Variants in DPH6 observed in about 807,000 individuals in gnomAD.
The protein encoded by DPH6 is diphthamine biosynthesis 6.
In DPH6, 33 loss-of-function variants were observed where a neutral mutation model predicts 38.2. That is an observed-to-expected ratio of 0.86 (90% CI 0.65 to 1.15). DPH6 has a LOEUF of 1.15. Among genes scored for constraint, DPH6 ranks in the 50% most tolerant of loss-of-function variants. The pLI is 0.00. For synonymous variants in DPH6, 108 were observed against 103.0 expected (o/e 1.05, Z -0.30); for missense variants, 325 against 320.0 (o/e 1.02, Z -0.12).
intron 6 of DPH6, among the ~76,000 whole-genome samples, chr15:35,399,350 G>A (rs2053188040): frequency 6.6e-6 from 1 of 151,958 alleles, no homozygotes; most frequent in Non-Finnish European, 1.5e-5. Flanking sequence ...ATTCTAGAAA[G>A]AACAAAATGA....
chr15:35,156,302 A>G, the DPH6 span, among the ~76,000 whole-genome samples: 278 of 152,336 alleles, frequency 1.8e-3, 5 homozygotes, highest in Admixed American at 0.017. Context: ...GAAGATAATA[A>G]ACATTTCAAA....
At chr15:35,370,331 T>C (rs1317755874), downstream of DPH6, among the ~76,000 whole-genome samples, 1 of 150,148 alleles carries the variant, frequency 6.7e-6, no homozygotes. Context: ...AAAAAAAGAA[T>C]TGATAAGCTG....
intron 3 of DPH6, among the ~76,000 whole-genome samples, chr15:35,534,522 CAA>C (rs2055139612): frequency 6.6e-6 from 1 of 151,000 alleles, no homozygotes; most frequent in African/African-American, 2.4e-5. Context: ...AATGGACAAA[CAA>C]GAAAAGTTCT....
intron 3 of DPH6, among the ~76,000 whole-genome samples, chr15:35,477,041 C>T (rs4924001): frequency 0.63 from 95,326 of 151,572 alleles, 33,569 homozygotes; most frequent in South Asian, 0.82. Context: ...CAGTAGCATA[C>T]TTTATTATAT....
chr15:35,152,122 T>C, the DPH6 span, among the ~76,000 whole-genome samples: 19 of 152,338 alleles, frequency 1.2e-4, no homozygotes, highest in African/African-American at 4.6e-4. Flanking sequence ...TTTAGTAACG[T>C]TTTTGTGACC....
intron 5 of DPH6, among the ~76,000 whole-genome samples, chr15:35,431,332 TAAG>T (rs1311070328): frequency 6.6e-6 from 1 of 152,094 alleles, no homozygotes; most frequent in Non-Finnish European, 1.5e-5. Flanking sequence ...ATCTTTAGGA[TAAG>T]TAGTAAAACA....
chr15:35,546,120 TG>T lies in DPH6; in HGVS notation c.21del (p.Ser8ValfsTer10). The stretch of plus-strand genomic sequence containing the variant: ...GAGGCGGCTCCAGGACCGCATTACC[TG>T]ATCAGAGCCGCGACCCTCATGCTGG... MRVAAL[I>X]SGGKDSCYNM... On this transcript the variant is annotated frameshift_variant and splice_region_variant, in exon 1 of 9. Coordinates refer to ENST00000256538, the MANE Select transcript of DPH6 (RefSeq NM_080650.4). LOFTEE classifies it high-confidence loss of function. 7.1e-7 allele frequency: 1 copy of T among 1,406,120 alleles called. No homozygotes were observed. Among genetic ancestry groups the T allele is most frequent in the South Asian group, 1.6e-5 (1 of 62,718 alleles). 87.1% of individuals were successfully genotyped at this position (1,406,120 alleles called of 1,614,324 possible). A position where few individuals can be genotyped will look rare whatever the true frequency, so the allele number is the denominator to read the frequency against.
chr15:35,237,494 A>G (rs56233617), intron 3 of DPH6: 2 of 1,571,124 alleles, frequency 1.3e-6, no homozygotes, highest in Admixed American at 3.3e-5. Context: ...CCTCACCTCA[A>G]CTGCAAACTT....
chr15:35,464,670 T>C (rs1192004589), intron 3 of DPH6, among the ~76,000 whole-genome samples: 2 of 152,236 alleles, frequency 1.3e-5, no homozygotes, highest in Non-Finnish European at 2.9e-5. Context: ...TGTGCTTGAA[T>C]CTTCTATTAA....
At chr15:35,360,464 A>G (rs878863944) in intron 3 of DPH6, among the ~76,000 whole-genome samples, 2 of 152,154 alleles carry the variant, frequency 1.3e-5, no homozygotes, top group Admixed American at 1.3e-4. Context: ...ACACCCATTA[A>G]CCACAATAGA....
At chr15:35,379,595 C>T (rs1402263856) in intron 7 of DPH6, among the ~76,000 whole-genome samples, 1 of 152,156 alleles carries the variant, frequency 6.6e-6, no homozygotes, top group Non-Finnish European at 1.5e-5. Context: ...CATGTTCACT[C>T]ACATCTTCGC....
chr15:35,233,575 C>T (rs1023170468), intron 3 of DPH6, among the ~76,000 whole-genome samples: 1 of 152,048 alleles, frequency 6.6e-6, no homozygotes, highest in African/African-American at 2.4e-5. Flanking sequence ...GCTCCAGTGG[C>T]CTAAAGAACC....
intron 5 of DPH6, among the ~76,000 whole-genome samples, chr15:35,438,581 T>A (rs1367286995): frequency 6.6e-6 from 1 of 152,156 alleles, no homozygotes; most frequent in Middle Eastern, 3.2e-3. Flanking sequence ...ATAGCCCAGT[T>A]AGGAGATTGG....
At chr15:35,532,568 T>C (rs117720121) in intron 3 of DPH6, among the ~76,000 whole-genome samples, 4,816 of 152,256 alleles carry the variant, frequency 0.032, 122 homozygotes, top group Middle Eastern at 0.048. Context: ...TAAATGATGA[T>C]GCTTTTAATT....
At chr15:35,497,064 G>T (rs2054567738) in intron 3 of DPH6, among the ~76,000 whole-genome samples, 1 of 152,076 alleles carries the variant, frequency 6.6e-6, no homozygotes, top group South Asian at 2.1e-4. Context: ...TTCCTTTAGA[G>T]CATATTTCAT....
the DPH6 span, chr15:35,181,849 AT>A: frequency 2.0e-5 from 3 of 152,206 alleles, no homozygotes; most frequent in South Asian, 6.2e-4. Context: ...CATGAGACCT[AT>A]TTTTGTAAGT....
At chr15:35,172,158 G>T in the DPH6 span, among the ~76,000 whole-genome samples, 1 of 152,078 alleles carries the variant, frequency 6.6e-6, no homozygotes, top group Admixed American at 6.6e-5. Flanking sequence ...GAGCCACCAC[G>T]CCCAGCCTAA....
chr15:35,266,365 G>C (rs1365342050), intron 3 of DPH6, among the ~76,000 whole-genome samples: 1 of 152,198 alleles, frequency 6.6e-6, no homozygotes, highest in Admixed American at 6.5e-5. Flanking sequence ...AGCATGATCA[G>C]GTTAAGTATT....
chr15:35,496,784 T>C (rs756688869), intron 3 of DPH6, among the ~76,000 whole-genome samples: 34 of 151,742 alleles, frequency 2.2e-4, no homozygotes, highest in Non-Finnish European at 4.4e-4. Flanking sequence ...ACTTACTTCC[T>C]ACTTCTCCAG....
Sources: gnomAD v4.1 joint callset for allele counts (sites outside exome capture counted in the v4.1 genomes callset) on GRCh38, gnomAD v4.1.1 for gene constraint, MANE v1.5 for transcripts, NCBI Gene and HGNC (gene_info 2026-07-23, HGNC 2026-07-21) for gene names.